The following CHRNA7 variants were observed in gnomAD, a reference collection of about 807,000 sequenced individuals.
CHRNA7 encodes the protein neuronal acetylcholine receptor subunit alpha-7.
Under a neutral mutation model 48.0 loss-of-function variants are expected in CHRNA7, and 17 were observed. That is an observed-to-expected ratio of 0.35 (90% CI 0.24 to 0.53). The LOEUF (loss-of-function observed/expected upper bound fraction) is 0.53, where lower values mean the gene tolerates loss of function less well. CHRNA7 is among the 20% of genes least tolerant of loss of function. The probability of loss-of-function intolerance (pLI) is 0.92; values close to 1 mark genes in which losing one functional copy is unlikely to be tolerated. For synonymous variants in CHRNA7, 75 were observed against 242.3 expected, an observed-to-expected ratio of 0.31 and a Z score of 6.41; for missense variants, 155 against 577.7, an observed-to-expected ratio of 0.27 and a Z score of 7.50.
intron 4 of CHRNA7, among the ~76,000 whole-genome samples, chr15:32,115,330 G>A (rs1480937517): frequency 2.0e-5 from 3 of 152,164 alleles, no homozygotes; most frequent in Admixed American, 6.5e-5. Flanking sequence ...GGCACGCTCC[G>A]CCATGTGCCT....
At chr15:32,075,320 G>A (rs781243639) in intron 2 of CHRNA7, among the ~76,000 whole-genome samples, 5 of 152,146 alleles carry the variant, frequency 3.3e-5, no homozygotes, top group African/African-American at 4.8e-5. Context: ...CAGTGAAATC[G>A]TCTGGGCTTA....
At chr15:32,121,004 G>A (rs545149299) in intron 4 of CHRNA7, among the ~76,000 whole-genome samples, 13 of 152,308 alleles carry the variant, frequency 8.5e-5, no homozygotes, top group South Asian at 2.1e-4. Flanking sequence ...GTCCCTGCGC[G>A]TGTCCACTGC....
intron 2 of CHRNA7, chr15:32,099,376 C>G (rs1239362579): frequency 6.6e-6 from 1 of 152,158 alleles, no homozygotes; most frequent in Non-Finnish European, 1.5e-5. Context: ...TGGGGGGTTC[C>G]CCTAACGGGT....
rs149497709 is a variant in CHRNA7 at position 32,149,391 on chromosome 15, G to A, written c.351-4516G>A. On this transcript the variant is annotated intron_variant, in intron 4 of 9. Coordinates refer to ENST00000306901, the MANE Select transcript of CHRNA7 (RefSeq NM_000746.6). The surrounding 1 kb of genome is among the most constrained non-coding windows in gnomAD (Gnocchi z 4.6). Reference sequence around the variant, plus strand: ...CCGGGGAAGCTGCGCCGGTGCTGTGGCCACTGAGGTCCTCATAGGGGTTCT... The same window carrying A: ...CCGGGGAAGCTGCGCCGGTGCTGTGACCACTGAGGTCCTCATAGGGGTTCT... Among the ~76,000 whole-genome samples, 79 of 152,214 alleles carry A rather than the reference G, an allele frequency of 5.2e-4. No homozygotes were observed. Among genetic ancestry groups the A allele is most frequent in the African/African-American group, 7.7e-4 (32 of 41,530 alleles).
intron 2 of CHRNA7, among the ~76,000 whole-genome samples, chr15:32,040,719 A>C (rs1031924457): frequency 6.6e-6 from 1 of 151,928 alleles, no homozygotes; most frequent in East Asian, 1.9e-4. Flanking sequence ...TAGATAAATT[A>C]ATAAGAAAAA....
rs181531860 is a variant in CHRNA7 at position 32,140,213 on chromosome 15, G to T, written c.351-13694G>T. Among the ~76,000 whole-genome samples the T allele has an allele frequency of 5.1e-3, 770 of 152,142 alleles. 4 individuals are homozygous for T. The highest frequency in any genetic ancestry group is 0.018 in the African/African-American group (734 of 41,498). ...TTGTGATAGTTTGCTGAGAATGATG[G>T]TTTCCAGCTTCATCCATGTGCCTGC... On this transcript the variant is annotated intron_variant, in intron 4 of 9. Transcript: ENST00000306901.
At chr15:32,114,022 A>ATATATATATATATATATATATATG (rs1566848581) in intron 4 of CHRNA7, among the ~76,000 whole-genome samples, 38 of 26,876 alleles carry the variant, frequency 1.4e-3, no homozygotes, top group African/African-American at 3.5e-3. Context: ...ATCTCCAAAT[A>ATATATATATATATATATATATATG]TATATATATA....
intron 2 of CHRNA7, among the ~76,000 whole-genome samples, chr15:32,057,162 G>A (rs1459217627): frequency 6.6e-6 from 1 of 152,188 alleles, no homozygotes; most frequent in Non-Finnish European, 1.5e-5. Flanking sequence ...GTTTTGGTTT[G>A]TTTGCTTAAT....
intron 4 of CHRNA7, among the ~76,000 whole-genome samples, chr15:32,136,131 A>G (rs79271804): frequency 2.6e-3 from 401 of 152,300 alleles, no homozygotes; most frequent in African/African-American, 9.0e-3. Context: ...AGCAATTGGC[A>G]AAGATTCAGG....
intron 2 of CHRNA7, among the ~76,000 whole-genome samples, chr15:32,085,795 G>A (rs2050285827): frequency 6.6e-6 from 1 of 152,112 alleles, no homozygotes; most frequent in Non-Finnish European, 1.5e-5. Context: ...CTCTTGGACG[G>A]CAGTGTAGCT....
intron 4 of CHRNA7, among the ~76,000 whole-genome samples, chr15:32,139,667 C>T (rs1378457747): frequency 6.6e-6 from 1 of 151,452 alleles, no homozygotes; most frequent in African/African-American, 2.4e-5. Flanking sequence ...TGTCTTTGCT[C>T]AGGTGTCTGT....
chr15:32,030,565 C>G lies in CHRNA7; in HGVS notation c.-30C>G. 6.8e-7 allele frequency: 1 copy of G among 1,468,698 alleles called. No homozygotes were observed. The highest frequency in any genetic ancestry group is 9.0e-7 in the Non-Finnish European group (1 of 1,116,220). 91.0% of individuals were successfully genotyped at this position (1,468,698 alleles called of 1,614,324 possible). A position where few individuals can be genotyped will look rare whatever the true frequency, so the allele number is the denominator to read the frequency against. ...CGGGCGACAGCCGAGACGTGGAGCG[C>G]GCCGGCTCGCTGCAGCTCCGGGACT... On this transcript the variant is annotated 5_prime_UTR_variant, in exon 1 of 10. Coordinates refer to ENST00000306901, the MANE Select transcript of CHRNA7 (RefSeq NM_000746.6).
At chr15:32,067,250 A>C (rs906122576) in intron 2 of CHRNA7, among the ~76,000 whole-genome samples, 1 of 152,106 alleles carries the variant, frequency 6.6e-6, no homozygotes, top group Admixed American at 6.5e-5. Context: ...GTTGAAAGAC[A>C]AAGAGGGAAT....
chr15:32,113,916 G>A (rs2050805405), intron 4 of CHRNA7, among the ~76,000 whole-genome samples: 1 of 151,074 alleles, frequency 6.6e-6, no homozygotes, highest in African/African-American at 2.4e-5. Context: ...TGTAGTGCCA[G>A]CTACTCAGGA....
intron 2 of CHRNA7, among the ~76,000 whole-genome samples, chr15:32,034,595 C>T (rs1901996302): frequency 6.6e-6 from 1 of 152,138 alleles, no homozygotes; most frequent in African/African-American, 2.4e-5. Context: ...CTAGTCTAGG[C>T]ATCTCTGAGG....
intron 2 of CHRNA7, among the ~76,000 whole-genome samples, chr15:32,084,175 A>G (rs2048680): frequency 0.98 from 149,722 of 152,302 alleles, 73,648 homozygotes; most frequent in South Asian, 1. Context: ...TAAATTTTAC[A>G]GAAAAACAAA....
intron 3 of CHRNA7, among the ~76,000 whole-genome samples, chr15:32,105,334 C>A (rs1049300721): frequency 3.4e-5 from 5 of 148,674 alleles, no homozygotes; most frequent in African/African-American, 1.2e-4. Context: ...AAGAAGGAGG[C>A]GGAGGAGAAG....
Position 32,107,473 on chromosome 15 carries a change from T to TTAAA in CHRNA7, c.241-4310_241-4307dup, listed in dbSNP as rs528823530. Among the ~76,000 whole-genome samples the TTAAA allele has an allele frequency of 2.4e-3, 354 of 149,848 alleles. 2 individuals carry two copies. The highest frequency in any genetic ancestry group is 8.4e-3 in the African/African-American group (348 of 41,194). ...TATATTTATAAATAAAATATATTTA[T>TTAAA]TAAATAAATATTTAATATCTACTTA... On this transcript the variant is annotated intron_variant, in intron 3 of 9. Coordinates refer to ENST00000306901, the MANE Select transcript of CHRNA7 (RefSeq NM_000746.6).
chr15:32,064,658 C>A (rs1333544597), intron 2 of CHRNA7, among the ~76,000 whole-genome samples: 1 of 152,076 alleles, frequency 6.6e-6, no homozygotes. Context: ...CATTGGATCA[C>A]ATTTCCCAGA....
Sources: gnomAD v4.1 joint callset for allele counts (sites outside exome capture counted in the v4.1 genomes callset) on GRCh38, gnomAD v4.1.1 for gene constraint, Gnocchi (gnomAD v3.1) non-coding constraint, MANE v1.5 for transcripts, NCBI Gene and HGNC (gene_info 2026-07-23, HGNC 2026-07-21) for gene names.